RAB3GAP2: variants seen among roughly 807,000 people sequenced by gnomAD.
RAB3GAP2 encodes the protein RAB3 GTPase activating non-catalytic protein subunit 2.
RAB3GAP2 carries 87 observed loss-of-function variants against 185.3 expected under a neutral mutation model. The ratio of observed to expected loss-of-function variants is 0.47; its 90% CI spans 0.39 to 0.56. The LOEUF is 0.56. Ranked by LOEUF, RAB3GAP2 falls within the 20% of genes least tolerant of loss-of-function variation. RAB3GAP2 has a pLI of 0.00. For synonymous variants in RAB3GAP2, 554 were observed against 576.1 expected, an observed-to-expected ratio of 0.96 and a Z score of 0.55; for missense variants, 1,492 against 1,638.2, an observed-to-expected ratio of 0.91 and a Z score of 1.54.
intron 7 of RAB3GAP2, among the ~76,000 whole-genome samples, chr1:220,206,281 T>A (rs1178088709): frequency 6.6e-6 from 1 of 152,146 alleles, no homozygotes; most frequent in African/African-American, 2.4e-5. Context: ...AAAAAGTAAA[T>A]ATACTCATTG....
intron 1 of RAB3GAP2, chr1:220,267,180 G>GT (rs1279506524): frequency 5.9e-6 from 6 of 1,021,994 alleles, no homozygotes; most frequent in African/African-American, 1.6e-5. Flanking sequence ...TTGAATGACA[G>GT]TAAGACAGGG....
intron 9 of RAB3GAP2, among the ~76,000 whole-genome samples, chr1:220,196,943 C>A (rs188273975): frequency 1.2e-4 from 18 of 151,708 alleles, no homozygotes; most frequent in African/African-American, 4.1e-4. Context: ...TCAGAGGTAC[C>A]AGAAGTATAC....
In RAB3GAP2 at chr1:220,202,144, G is replaced by A. The variant is rs565520355; in HGVS notation, c.811+132C>T. ...CATGCCACTGCACTCCTGCCTGGGT[G>A]ACAGAGCAAAGCTCCATCTTAAAAA... On this transcript the variant is annotated intron_variant, in intron 9 of 34. Transcript: ENST00000358951. 2.4e-5 allele frequency: 24 copies of A among 997,026 alleles called. No individual in the cohort carries two copies. In the African/African-American group the frequency reaches 3.6e-4, roughly 15 times the overall value. The allele number at this position is 997,026 out of a possible 1,614,324, so 61.8% of individuals were successfully genotyped here. A position where few individuals can be genotyped will look rare whatever the true frequency, so the allele number is the denominator to read the frequency against.
chr1:220,189,159 G>A (rs189521842), intron 17 of RAB3GAP2, among the ~76,000 whole-genome samples: 47 of 151,958 alleles, frequency 3.1e-4, no homozygotes, highest in Admixed American at 2.8e-3. Flanking sequence ...TCCTAAGGTA[G>A]GTGGTCATAC....
chr1:220,184,496 G>A (rs909481479), intron 18 of RAB3GAP2, among the ~76,000 whole-genome samples: 1 of 151,938 alleles, frequency 6.6e-6, no homozygotes, highest in East Asian at 1.9e-4. Context: ...TATACTGTAT[G>A]AATATTTATA....
At chr1:220,167,233 T>A in intron 26 of RAB3GAP2, 60 bp downstream of exon 26, 1 of 1,439,832 alleles carries the variant, frequency 6.9e-7, no homozygotes, top group Non-Finnish European at 9.8e-7. Context: ...ACGGTCCCCA[T>A]ATATGAATAG....
chr1:220,263,742 T>G (rs549986868), intron 1 of RAB3GAP2, among the ~76,000 whole-genome samples: 45 of 152,234 alleles, frequency 3.0e-4, no homozygotes, highest in Admixed American at 2.7e-3. Flanking sequence ...TTGTTTCTTC[T>G]TTTCCAAAAT....
At chr1:220,245,464 T>G (rs1659788265) in intron 1 of RAB3GAP2, among the ~76,000 whole-genome samples, 1 of 152,158 alleles carries the variant, frequency 6.6e-6, no homozygotes, top group South Asian at 2.1e-4. Context: ...TCAGACAGGC[T>G]TAAAAAACGG....
At position 220,177,352 on chromosome 1, in the gene RAB3GAP2, C is replaced by T. The variant is rs527342693; in HGVS notation, c.2311-4610G>A. On this transcript the variant is annotated intron_variant, in intron 21 of 34. Coordinates refer to ENST00000358951, the MANE Select transcript of RAB3GAP2 (RefSeq NM_012414.4). Reference sequence around the variant, plus strand: ...CCCTCTGAGGAAGGTCAAGTACAAACAAAGCCAGACTGTGAAGACTAAAGT... The same window carrying T: ...CCCTCTGAGGAAGGTCAAGTACAAATAAAGCCAGACTGTGAAGACTAAAGT... 2.3e-4 allele frequency among the ~76,000 whole-genome samples: 35 copies of T among 152,306 alleles called. No homozygotes were observed. The South Asian group carries it at 2.7e-3, about 12-fold the overall frequency.
chr1:220,213,604 CT>C (rs2102881823), intron 3 of RAB3GAP2, among the ~76,000 whole-genome samples: 1 of 150,308 alleles, frequency 6.7e-6, no homozygotes, highest in East Asian at 2.0e-4. Context: ...AGTACTGCCC[CT>C]GAGGTACCAT....
chr1:220,257,975 A>T (rs937976787), intron 1 of RAB3GAP2, among the ~76,000 whole-genome samples: 2 of 152,164 alleles, frequency 1.3e-5, no homozygotes, highest in African/African-American at 4.8e-5. Flanking sequence ...ACACAGAGAA[A>T]TAAGGTAGAA....
chr1:220,170,787 A>G, intron 24 of RAB3GAP2, 105 bp downstream of exon 24: 3 of 945,856 alleles, frequency 3.2e-6, no homozygotes, highest in Non-Finnish European at 5.0e-6. Flanking sequence ...TTATTTTTAA[A>G]TCTGAGTGTA....
At chr1:220,260,399 G>A (rs751388970) in intron 1 of RAB3GAP2, among the ~76,000 whole-genome samples, 3 of 152,288 alleles carry the variant, frequency 2.0e-5, no homozygotes, top group South Asian at 4.1e-4. Context: ...TATACACCAT[G>A]GAATACTATG....
chr1:220,252,951 C>G (rs1373001625), intron 1 of RAB3GAP2, among the ~76,000 whole-genome samples: 1 of 152,296 alleles, frequency 6.6e-6, no homozygotes, highest in Non-Finnish European at 1.5e-5. Context: ...CAAGTTAAGA[C>G]CCACTGGCTT....
intron 3 of RAB3GAP2, among the ~76,000 whole-genome samples, chr1:220,213,183 C>T (rs990095339): frequency 1.3e-5 from 2 of 152,068 alleles, no homozygotes; most frequent in African/African-American, 4.8e-5. Flanking sequence ...CTCTCCTTCC[C>T]CCAATTCAAC....
In RAB3GAP2 at chr1:220,182,920, C is replaced by T. The variant is rs1212886788; in HGVS notation, c.2010G>A (p.Leu670=). The T allele has an allele frequency of 1.2e-6, 2 of 1,611,358 alleles. No homozygotes were observed. The highest frequency in any genetic ancestry group is 4.5e-5 in the East Asian group (2 of 44,766). Residue 670 remains leucine (L), a synonymous_variant, in exon 20 of 35, where the codon CTG becomes CTA. Transcript: ENST00000358951. ...GTTCTTTTTCATCAAGCCTTAGTAA[C>T]AGAGCCAAGTCCTTTAAAACAGAAA... ...DTPFSDNDLA[L]LLRLDEKELL...
chr1:220,254,229 G>T (rs1239931286), intron 1 of RAB3GAP2: 1 of 1,613,428 alleles, frequency 6.2e-7, no homozygotes, highest in Non-Finnish European at 8.5e-7. Context: ...TTGTGGCAGG[G>T]ATAAAAGAAT....
intron 26 of RAB3GAP2, among the ~76,000 whole-genome samples, chr1:220,165,955 A>C (rs1658054315): frequency 6.6e-6 from 1 of 152,240 alleles, no homozygotes; most frequent in African/African-American, 2.4e-5. Flanking sequence ...TTTCTTCTTA[A>C]ATGCCACTTT....
intron 2 of RAB3GAP2, among the ~76,000 whole-genome samples, chr1:220,225,498 G>C (rs990168940): frequency 6.6e-6 from 1 of 152,118 alleles, no homozygotes; most frequent in African/African-American, 2.4e-5. Context: ...ATGCTTAGCA[G>C]AATTATTGGC....
Sources: allele counts gnomAD v4.1 joint callset (sites outside exome capture counted in the v4.1 genomes callset), GRCh38; gene constraint gnomAD v4.1.1; transcripts MANE v1.5; gene names NCBI Gene and HGNC (gene_info 2026-07-23, HGNC 2026-07-21).